ZNF318: variants seen among roughly 807,000 people sequenced by gnomAD.
ZNF318 encodes the protein endocrine regulator.
In ZNF318, 51 loss-of-function variants were observed where a neutral mutation model predicts 124.2. The ratio of observed to expected loss-of-function variants is 0.41; its 90% CI spans 0.33 to 0.52. The LOEUF (loss-of-function observed/expected upper bound fraction) is 0.52. ZNF318 is among the 20% of genes least tolerant of loss of function. The pLI is 0.23. For missense variants in ZNF318, 2,815 were observed against 2,811.2 expected (o/e 1.00, Z -0.03); for synonymous variants, 1,090 against 1,040.7 (o/e 1.05, Z -0.91).
chr6:43,369,386 C>A lies in ZNF318; in HGVS notation c.-21G>T. ...TACATGGTTCTTGCAGCGGCGGCCA[C>A]GGCGACAGCTCTGACCCGGGGGCGC... On this transcript the variant is annotated 5_prime_UTR_variant, in exon 1 of 10. Transcript: ENST00000361428. 2 of 1,233,698 alleles carry A rather than the reference C, an allele frequency of 1.6e-6. No homozygotes were observed. The highest frequency in any genetic ancestry group is 2.0e-6 in the Non-Finnish European group (2 of 983,102). 76.4% of individuals were successfully genotyped at this position (1,233,698 alleles called of 1,614,324 possible). A position where few individuals can be genotyped will look rare whatever the true frequency, so the allele number is the denominator to read the frequency against.
intron 6 of ZNF318, among the ~76,000 whole-genome samples, chr6:43,344,495 T>C (rs182469455): frequency 1.3e-5 from 2 of 152,378 alleles, no homozygotes; most frequent in Admixed American, 1.3e-4. Flanking sequence ...AAGATGTTCA[T>C]GATATACTGA....
rs774590481 is a variant in ZNF318, at chr6:43,355,681, T to C, written c.1653A>G (p.Val551=). The change falls in exon 4 of 10, where the codon GTA becomes GTG. Residue 551 remains valine (V), a synonymous_variant. Transcript: ENST00000361428. ...DEEEDLKAES[V]PKPLGSSESE... ...TCTCAGAGCTCCCAAGGGGCTTTGG[T>C]ACGGATTCTGCCTTTAAATCCTCTT... is the stretch of plus-strand genomic sequence containing the variant. The C allele has an allele frequency of 3.7e-6, 6 of 1,614,098 alleles. No homozygotes were observed. Among genetic ancestry groups the C allele is most frequent in the Non-Finnish European group, 5.1e-6 (6 of 1,180,038 alleles).
Position 43,357,430 on chromosome 6 carries a change from C to G in ZNF318, c.884G>C (p.Gly295Ala). 1 of 1,614,146 alleles carries G rather than the reference C, an allele frequency of 6.2e-7. No individual in the cohort carries two copies. Among genetic ancestry groups the G allele is most frequent in the Middle Eastern group, 1.6e-4 (1 of 6,062 alleles). ...MGGDHPSFTS[G>A]TRNYRQRRRS... The stretch of plus-strand genomic sequence containing the variant: ...TCTACGCTGTCGATAGTTGCGAGTT[C>G]CTGATGTAAAACTTGGGTGATCCCC... The change falls in exon 3 of 10, where the codon GGA becomes GCA. Residue 295 changes from glycine (G) to alanine (A), a missense_variant. By Grantham distance (60) the Gly-to-Ala change is moderately conservative (BLOSUM62 0). Coordinates refer to ENST00000361428, the MANE Select transcript of ZNF318 (RefSeq NM_014345.3).
In ZNF318 at chr6:43,355,735, A is replaced by G; in HGVS notation, c.1599T>C (p.Asp533=). ...KRRRSFPDIE[D]EEKFLYGDEE... ...CATCCCCATAGAGAAATTTCTCCTC[A>G]TCTTCAATGTCGGGAAAGCTACGTC... Residue 533 remains aspartate (D), a synonymous_variant, in exon 4 of 10, where the codon GAT becomes GAC. Transcript: ENST00000361428. The G allele has an allele frequency of 1.9e-6, 3 of 1,614,146 alleles. No homozygotes were observed. Among genetic ancestry groups the G allele is most frequent in the Non-Finnish European group, 2.5e-6 (3 of 1,180,020 alleles).
intron 5 of ZNF318, among the ~76,000 whole-genome samples, chr6:43,350,164 T>C (rs921414362): frequency 2.0e-5 from 3 of 152,036 alleles, no homozygotes; most frequent in Non-Finnish European, 4.4e-5. Context: ...GCAGGAGAAT[T>C]ACTTGCACCT....
chr6:43,352,577 G>C, intron 4 of ZNF318, 101 bp from the exon 5 acceptor site: 1 of 1,039,786 alleles, frequency 9.6e-7, no homozygotes, highest in South Asian at 1.4e-5. Context: ...CTGAATGTAA[G>C]GATCCAAATG....
chr6:43,368,469 G>T (rs568150061), intron 1 of ZNF318, among the ~76,000 whole-genome samples: 29 of 152,326 alleles, frequency 1.9e-4, no homozygotes, highest in African/African-American at 6.5e-4. Context: ...CGAAGCAGCA[G>T]CTCCAATTCA....
chr6:43,355,748 G>A lies in ZNF318; in HGVS notation c.1586C>T (p.Pro529Leu). Residue 529 changes from proline (P) to leucine (L), a missense_variant, in exon 4 of 10, where the codon CCC (proline) becomes CTC (leucine). By Grantham distance (98) the Pro-to-Leu change is moderately conservative. This residue lies in a region of ZNF318 where 1,377 missense variants were observed against 1,353.5 expected (regional missense o/e 1.02). Coordinates refer to ENST00000361428, the MANE Select transcript of ZNF318 (RefSeq NM_014345.3). ...STQEKRRRSF[P>L]DIEDEEKFLY... ...AAATTTCTCCTCATCTTCAATGTCG[G>A]GAAAGCTACGTCGCCTTTTTTCCTG... The A allele has an allele frequency of 6.2e-7, 1 of 1,614,140 alleles. No homozygotes were observed. Among genetic ancestry groups the A allele is most frequent in the Non-Finnish European group, 8.5e-7 (1 of 1,180,020 alleles).
At chr6:43,342,537 G>T in intron 7 of ZNF318, 139 bp downstream of exon 7, 5 of 850,956 alleles carry the variant, frequency 5.9e-6, no homozygotes, top group Non-Finnish European at 9.0e-6. Context: ...CTCCTTTGTT[G>T]GTGTCTCTTG....
intron 1 of ZNF318, among the ~76,000 whole-genome samples, chr6:43,366,006 T>C (rs1447241485): frequency 1.3e-5 from 2 of 152,100 alleles, no homozygotes; most frequent in Admixed American, 1.3e-4. Context: ...CTAGTGTACA[T>C]ACTTCTAGTG....
chr6:43,360,324 A>G (rs17209400), intron 2 of ZNF318, among the ~76,000 whole-genome samples: 11,573 of 152,306 alleles, frequency 0.076, 582 homozygotes, highest in Admixed American at 0.11. Context: ...CAGGTTGCTT[A>G]TTAGAAGCTC....
chr6:43,337,655 G>A lies in ZNF318; in HGVS notation c.6343C>T (p.Arg2115Cys), dbSNP rs141160354. 6.3e-5 allele frequency: 101 copies of A among 1,614,076 alleles called. No individual in the cohort carries two copies. The highest frequency in any genetic ancestry group is 5.6e-4 in the African/African-American group (42 of 75,030). The change falls in exon 10 of 10, where the codon CGT (arginine) becomes TGT (cysteine). Residue 2115 changes from arginine to cysteine, a missense_variant. This residue lies in a region of ZNF318 where 927 missense variants were observed against 820.6 expected (regional missense o/e 1.13). Coordinates refer to ENST00000361428, the MANE Select transcript of ZNF318 (RefSeq NM_014345.3). ...LKTGLTENVD[R>C]GLGGLEGTHQ... ...GTTCCCTCTAGGCCCCCCAAGCCAC[G>A]GTCAACATTTTCTGTAAGTCCAGTT...
In ZNF318 at chr6:43,355,351, G is replaced by C; in HGVS notation, c.1983C>G (p.Asp661Glu). The C allele has an allele frequency of 1.9e-6, 3 of 1,614,164 alleles. No homozygotes were observed. The highest frequency in any genetic ancestry group is 2.5e-6 in the Non-Finnish European group (3 of 1,180,038). Residue 661 changes from aspartate to glutamate, a missense_variant, in exon 4 of 10, where the codon GAC (aspartate) becomes GAG (glutamate). Coordinates refer to ENST00000361428, the MANE Select transcript of ZNF318 (RefSeq NM_014345.3). ...AACGTCGATCAGCTGAGAAGCAGTGGTCAACTGAGGAACAGCGGTCAGCTG... is the reference window on the plus strand; with the variant it reads ...AACGTCGATCAGCTGAGAAGCAGTGCTCAACTGAGGAACAGCGGTCAGCTG... ...RFSADRCSSV[D>E]HCFSADRRSS...
chr6:43,354,104 TACACACAC>T (rs376470195), intron 4 of ZNF318, among the ~76,000 whole-genome samples: 1 of 150,332 alleles, frequency 6.7e-6, no homozygotes, highest in Non-Finnish European at 1.5e-5. Context: ...TACACACACA[TACACACAC>T]ACACACACGT....
In ZNF318 at chr6:43,348,334, G is replaced by T; in HGVS notation, c.3062C>A (p.Ser1021Tyr). 2 of 1,606,088 alleles carry T rather than the reference G, an allele frequency of 1.2e-6. No individual in the cohort carries two copies. Among genetic ancestry groups the T allele is most frequent in the Non-Finnish European group, 1.7e-6 (2 of 1,176,646 alleles). ...AAATTGAGTTGTTACCTTGTTGGAGGAGGAGTTTGAGAACGATGACACTTT... is the reference window on the plus strand; with the variant it reads ...AAATTGAGTTGTTACCTTGTTGGAGTAGGAGTTTGAGAACGATGACACTTT... ...PEKVSSFSNSSSNKESKVNNE... is the reference protein window; with the variant it reads ...PEKVSSFSNSYSNKESKVNNE... Residue 1021 changes from serine (S) to tyrosine (Y), a missense_variant, in exon 6 of 10, where the codon TCC becomes TAC. Transcript: ENST00000361428.
In ZNF318 at chr6:43,337,313, T is replaced by G; in HGVS notation, c.6685A>C (p.Ser2229Arg). 2 of 1,614,178 alleles carry G rather than the reference T, an allele frequency of 1.2e-6. No homozygotes were observed. Among genetic ancestry groups the G allele is most frequent in the Non-Finnish European group, 8.5e-7 (1 of 1,180,016 alleles). Residue 2229 changes from serine to arginine, a missense_variant, in exon 10 of 10, where the codon AGT (serine) becomes CGT (arginine). Coordinates refer to ENST00000361428, the MANE Select transcript of ZNF318 (RefSeq NM_014345.3). ...EVAILQVDDD[S>R]GDPLNLVKAP... ...TTAACCAAATTCAGAGGGTCGCCACTGTCATCATCTACTTGCAGAATTGCC... is the reference window on the plus strand; with the variant it reads ...TTAACCAAATTCAGAGGGTCGCCACGGTCATCATCTACTTGCAGAATTGCC...
At position 43,339,670 on chromosome 6, in the gene ZNF318, G is replaced by A; in HGVS notation, c.4328C>T (p.Pro1443Leu). ...PSHLPEQILPPPPPPPPPPPP... is the reference protein window; with the variant it reads ...PSHLPEQILPLPPPPPPPPPP... ...TGGTGGAGGTGGGGGTGGTGGAGGA[G>A]GTGGTAGTATTTGTTCAGGTAAATG... Residue 1443 changes from proline (P) to leucine (L), a missense_variant, in exon 10 of 10, where the codon CCT (proline) becomes CTT (leucine). Pro to Leu is a moderately conservative substitution (Grantham distance 98). This residue lies in a region of ZNF318 where 500 missense variants were observed against 605.2 expected (regional missense o/e 0.83). Transcript: ENST00000361428. This position sits in a 1 kb window ranked among gnomAD's most constrained non-coding sequence, Gnocchi z 4.2. The A allele has an allele frequency of 6.2e-7, 1 of 1,613,248 alleles. No homozygotes were observed. Among genetic ancestry groups the A allele is most frequent in the Non-Finnish European group, 8.5e-7 (1 of 1,179,956 alleles).
chr6:43,362,136 G>A lies in ZNF318; in HGVS notation c.548+3156C>T, dbSNP rs540935558. Among the ~76,000 whole-genome samples, 64 of 151,904 alleles carry A rather than the reference G, an allele frequency of 4.2e-4. No homozygotes were observed. In the South Asian group the frequency reaches 6.7e-3, roughly 16 times the overall value. On this transcript the variant is annotated intron_variant, in intron 2 of 9. Transcript: ENST00000361428. Reference sequence around the variant, plus strand: ...ATCGTGCCACTGCACTCCAGCCTGGGTGACAAGAGTGAGACCCTGTCTCTT... The same window carrying A: ...ATCGTGCCACTGCACTCCAGCCTGGATGACAAGAGTGAGACCCTGTCTCTT...
chr6:43,357,043 G>C (rs1034592063), intron 3 of ZNF318, 83 bp downstream of exon 3: 2 of 1,456,602 alleles, frequency 1.4e-6, no homozygotes, highest in Non-Finnish European at 1.8e-6. Flanking sequence ...GATACCATTA[G>C]GAACATAGCC....
Sources: gnomAD v4.1 joint callset for allele counts (sites outside exome capture counted in the v4.1 genomes callset) on GRCh38, gnomAD v4.1.1 for gene constraint, gnomAD v4.1.1 regional missense constraint, Gnocchi (gnomAD v3.1) non-coding constraint, MANE v1.5 for transcripts, NCBI Gene and HGNC (gene_info 2026-07-23, HGNC 2026-07-21) for gene names.